Variants in MARK4 observed in about 807,000 individuals in gnomAD.
MARK4 encodes microtubule affinity regulating kinase 4.
Under a neutral mutation model 81.5 loss-of-function variants are expected in MARK4, and 19 were observed. The ratio of observed to expected loss-of-function variants is 0.23; its 90% confidence interval spans 0.16 to 0.34. The LOEUF is 0.34. Among genes scored for constraint, MARK4 ranks in the 10% least tolerant of loss-of-function variants. MARK4 has a pLI of 1.00. For missense variants in MARK4, 772 were observed against 1,058.8 expected, an observed-to-expected ratio of 0.73 and a Z score of 3.76; for synonymous variants, 436 against 439.0, an observed-to-expected ratio of 0.99 and a Z score of 0.08.
intron 13 of MARK4, among the ~76,000 whole-genome samples, chr19:45,290,248 G>T (rs1970804107): frequency 1.3e-5 from 2 of 152,256 alleles, no homozygotes; most frequent in Admixed American, 1.3e-4. Flanking sequence ...GCAAACCAAG[G>T]TCTCACTGCA....
chr19:45,299,449 GTGT>G (rs1970936606), intron 15 of MARK4, among the ~76,000 whole-genome samples: 1 of 152,150 alleles, frequency 6.6e-6, no homozygotes, highest in Admixed American at 6.5e-5. Context: ...CACGAAGGAG[GTGT>G]TGTTTGAGCA....
intron 10 of MARK4, among the ~76,000 whole-genome samples, chr19:45,279,132 G>A (rs1445259305): frequency 6.6e-6 from 1 of 152,108 alleles, no homozygotes; most frequent in African/African-American, 2.4e-5. Flanking sequence ...AGCTGAGGTA[G>A]GAGGATCCCT....
chr19:45,278,076 C>G, intron 9 of MARK4, 34 bp downstream of exon 9: 1 of 1,610,208 alleles, frequency 6.2e-7, no homozygotes, highest in Non-Finnish European at 8.5e-7. Context: ...GGGAGCCCTT[C>G]TAGTCTCCTG....
chr19:45,288,736 G>A (rs780395861), intron 13 of MARK4, among the ~76,000 whole-genome samples: 26 of 149,924 alleles, frequency 1.7e-4, no homozygotes, highest in Non-Finnish European at 3.8e-4. Context: ...TGTAGTCCCA[G>A]CTACTCTGGA....
At chr19:45,295,693 C>A (rs1260039419) in intron 14 of MARK4, among the ~76,000 whole-genome samples, 1 of 152,170 alleles carries the variant, frequency 6.6e-6, no homozygotes, top group South Asian at 2.1e-4. Context: ...GCAGGAGAAT[C>A]GCTTGAACCT....
chr19:45,289,492 TG>T (rs535323462), intron 13 of MARK4, among the ~76,000 whole-genome samples: 271 of 151,530 alleles, frequency 1.8e-3, no homozygotes, highest in African/African-American at 6.4e-3. Flanking sequence ...ATAAGTTGGC[TG>T]GGCACGGTGG....
In MARK4 at chr19:45,267,903, C is replaced by G. The variant is rs1045570852; in HGVS notation, c.549+1622C>G. Among the ~76,000 whole-genome samples, 5 of 152,148 alleles carry G rather than the reference C, an allele frequency of 3.3e-5. No homozygotes were observed. The South Asian group carries it at 1.0e-3, about 32-fold the overall frequency. On this transcript the variant is annotated intron_variant, in intron 7 of 16. Coordinates refer to ENST00000262891, the MANE Select transcript of MARK4 (RefSeq NM_001199867.2). Reference sequence around the variant, plus strand: ...CTCGAACTCCTGGGCTCAAGAGATTCTCCTGCCTCAGCCTTCTGAGTTGCT... The same window carrying G: ...CTCGAACTCCTGGGCTCAAGAGATTGTCCTGCCTCAGCCTTCTGAGTTGCT...
intron 7 of MARK4, among the ~76,000 whole-genome samples, chr19:45,268,477 G>C (rs533756525): frequency 1.3e-5 from 2 of 151,880 alleles, no homozygotes; most frequent in East Asian, 3.9e-4. Context: ...CCAGCTGCTT[G>C]AGAGGCTGAG....
At chr19:45,289,859 G>A (rs1970798810) in intron 13 of MARK4, among the ~76,000 whole-genome samples, 1 of 152,108 alleles carries the variant, frequency 6.6e-6, no homozygotes. Flanking sequence ...CACTTTGCAA[G>A]GCTGAGGTGG....
chr19:45,262,619 T>G (rs902626975), intron 2 of MARK4, among the ~76,000 whole-genome samples: 1 of 152,182 alleles, frequency 6.6e-6, no homozygotes. Flanking sequence ...TGGAGCAGCG[T>G]CAGCCAGGCC....
rs979359845 is a variant in MARK4 at position 45,271,120 on chromosome 19, G to A, written c.550-352G>A. Among the ~76,000 whole-genome samples the A allele has an allele frequency of 3.3e-5, 5 of 152,162 alleles. No individual in the cohort carries two copies. Among genetic ancestry groups the A allele is most frequent in the Non-Finnish European group, 7.3e-5 (5 of 68,032 alleles). On this transcript the variant is annotated intron_variant, in intron 7 of 16. Coordinates refer to ENST00000262891, the MANE Select transcript of MARK4 (RefSeq NM_001199867.2). This position sits in a 1 kb window ranked among gnomAD's most constrained non-coding sequence, Gnocchi z 4.1. ...GGGGATTCACCATGTTGGCCAGGCC[G>A]ATCTTGAACTCCTGACCTCAGGTGA...
chr19:45,255,336 A>G (rs12983220), intron 1 of MARK4, among the ~76,000 whole-genome samples: 74,409 of 151,622 alleles, frequency 0.49, 19,356 homozygotes, highest in Non-Finnish European at 0.58. Context: ...CGAGGTGGGC[A>G]GATCACCTGA....
chr19:45,276,752 C>T (rs996293348), intron 8 of MARK4, among the ~76,000 whole-genome samples: 34 of 150,722 alleles, frequency 2.3e-4, no homozygotes, highest in Non-Finnish European at 3.0e-4. Flanking sequence ...CAGCCTCCCG[C>T]GTAGCTGGGA....
intron 2 of MARK4, among the ~76,000 whole-genome samples, chr19:45,261,770 C>A (rs1275230351): frequency 6.6e-6 from 1 of 152,022 alleles, no homozygotes; most frequent in Non-Finnish European, 1.5e-5. Context: ...CCCGTCTCTA[C>A]TAAAAATACA....
chr19:45,264,776 C>T (rs1970428698), intron 5 of MARK4, 27 bp downstream of exon 5: 1 of 1,613,906 alleles, frequency 6.2e-7, no homozygotes. Flanking sequence ...CTCCGCCCTG[C>T]CCCTGTGCCA....
At chr19:45,286,876 C>A (rs567440427) in intron 12 of MARK4, among the ~76,000 whole-genome samples, 114 of 152,082 alleles carry the variant, frequency 7.5e-4, no homozygotes, top group African/African-American at 2.7e-3. Context: ...CATTGTTGAC[C>A]CATCTCTTGT....
intron 12 of MARK4, among the ~76,000 whole-genome samples, chr19:45,284,372 G>T (rs559478293): frequency 6.6e-6 from 1 of 151,318 alleles, no homozygotes; most frequent in South Asian, 2.1e-4. Context: ...GCCCAAGCTG[G>T]AGTGCAGTGG....
intron 12 of MARK4, among the ~76,000 whole-genome samples, chr19:45,283,341 G>A (rs137952633): frequency 1.9e-4 from 28 of 150,586 alleles, no homozygotes; most frequent in African/African-American, 6.6e-4. Flanking sequence ...CCTGGGAGGC[G>A]GAGGTTGCAG....
At chr19:45,288,102 C>T (rs1970770653) in intron 13 of MARK4, 1 of 203,502 alleles carries the variant, frequency 4.9e-6, no homozygotes, top group African/African-American at 2.3e-5. Flanking sequence ...ATGTTATGTA[C>T]CTGTGGTCCC....
Sources: allele counts gnomAD v4.1 joint callset (sites outside exome capture counted in the v4.1 genomes callset), GRCh38; gene constraint gnomAD v4.1.1; non-coding constraint Gnocchi (gnomAD v3.1); transcripts MANE v1.5; gene names NCBI Gene and HGNC (gene_info 2026-07-23, HGNC 2026-07-21).